The following ZCWPW2 variants were observed in gnomAD, a reference collection of about 807,000 sequenced individuals.
ZCWPW2 encodes the protein zinc finger CW-type PWWP domain protein 2.
In ZCWPW2, 45 loss-of-function variants were observed where a neutral mutation model predicts 46.6. The observed-to-expected ratio is 0.96, with a 90% CI of 0.76 to 1.24. The LOEUF is 1.24. Ranked by LOEUF, ZCWPW2 falls within the 50% of genes most tolerant of loss-of-function variation. The pLI is 0.00. For missense variants in ZCWPW2, 429 were observed against 403.9 expected, an observed-to-expected ratio of 1.06 and a Z score of -0.53; for synonymous variants, 152 against 137.1, an observed-to-expected ratio of 1.11 and a Z score of -0.76.
At chr3:28,436,323 CTTTTTTT>C (rs71087698) in intron 4 of ZCWPW2, among the ~76,000 whole-genome samples, 2 of 116,838 alleles carry the variant, frequency 1.7e-5, no homozygotes, top group East Asian at 2.3e-4. Context: ...TCTTTTTTTT[CTTTTTTT>C]TTTTTTTTTT....
Position 28,524,772 on chromosome 3 carries a change from G to A in ZCWPW2, c.*84G>A. 2 of 1,160,690 alleles carry A rather than the reference G, an allele frequency of 1.7e-6. No homozygotes were observed. Among genetic ancestry groups the A allele is most frequent in the Non-Finnish European group, 1.1e-6 (1 of 876,796 alleles). The allele number at this position is 1,160,690 out of a possible 1,614,324, so 71.9% of individuals were successfully genotyped here. A position where few individuals can be genotyped will look rare whatever the true frequency, so the allele number is the denominator to read the frequency against. On this transcript the variant is annotated 3_prime_UTR_variant, in exon 10 of 10. Coordinates refer to ENST00000383768, the MANE Select transcript of ZCWPW2 (RefSeq NM_001040432.4). ...AGTTAAAACTTTAAAAATGTTTAGT[G>A]AAATAGGTATAAATTATACCAAAGT...
chr3:28,400,547 C>T (rs1695879191), intron 2 of ZCWPW2, among the ~76,000 whole-genome samples: 1 of 152,082 alleles, frequency 6.6e-6, no homozygotes, highest in Non-Finnish European at 1.5e-5. Context: ...ACAAAATCAC[C>T]AGGTAACCTA....
chr3:28,516,255 CAATAAATAAATAAATAAATAAATA>C (rs56931163), intron 8 of ZCWPW2, among the ~76,000 whole-genome samples: 75 of 140,188 alleles, frequency 5.3e-4, no homozygotes, highest in African/African-American at 1.8e-3. Context: ...GATTCCCTCT[CAATAAATAAATAAATAAATAAATA>C]AATAAATAAA....
At position 28,466,951 on chromosome 3, in the gene ZCWPW2, A is replaced by T. The variant is rs756231254; in HGVS notation, c.493-11863A>T. 4.2e-4 allele frequency among the ~76,000 whole-genome samples: 64 copies of T among 152,308 alleles called. 1 individual carries two copies. The highest frequency in any genetic ancestry group is 5.9e-4 in the Non-Finnish European group (40 of 68,010). ...TTAAAAAAAACAATTGAGACTTTTGACAAACTAATTATAAATTTGTTGGAA... is the reference window on the plus strand; with the variant it reads ...TTAAAAAAAACAATTGAGACTTTTGTCAAACTAATTATAAATTTGTTGGAA... On this transcript the variant is annotated intron_variant, in intron 4 of 9. Coordinates refer to ENST00000383768, the MANE Select transcript of ZCWPW2 (RefSeq NM_001040432.4).
rs1357940039 is a variant in ZCWPW2, at chr3:28,508,580, C to T, written c.658-5484C>T. Reference sequence around the variant, plus strand: ...TCACCCAGGCTGTAGTGCAGTGATGCAATATTGGCTCACTGTAACCTACAC... The same window carrying T: ...TCACCCAGGCTGTAGTGCAGTGATGTAATATTGGCTCACTGTAACCTACAC... On this transcript the variant is annotated intron_variant, in intron 6 of 9. Transcript: ENST00000383768. 3.3e-5 allele frequency among the ~76,000 whole-genome samples: 5 copies of T among 152,172 alleles called. No homozygotes were observed. The East Asian group carries it at 9.6e-4, about 29-fold the overall frequency.
At position 28,382,618 on chromosome 3, in the gene ZCWPW2, C is replaced by A. The variant is rs551199780; in HGVS notation, c.-133-7880C>A. Reference sequence around the variant, plus strand: ...TTGTGCCAAAGACAATTTATAGAATCCTTTTATTGGTTATTTTCTCCATTT... The same window carrying A: ...TTGTGCCAAAGACAATTTATAGAATACTTTTATTGGTTATTTTCTCCATTT... On this transcript the variant is annotated intron_variant, in intron 1 of 9. Transcript: ENST00000383768. Among the ~76,000 whole-genome samples, 92 of 152,068 alleles carry A rather than the reference C, an allele frequency of 6.0e-4. 1 individual carries two copies. Among genetic ancestry groups the A allele is most frequent in the Admixed American group, 3.1e-3 (47 of 15,254 alleles).
chr3:28,353,899 A>G (rs546472248), intron 1 of ZCWPW2, among the ~76,000 whole-genome samples: 3 of 152,268 alleles, frequency 2.0e-5, no homozygotes, highest in African/African-American at 7.2e-5. Context: ...GGAATCCTAT[A>G]CTTCTTATTA....
At chr3:28,399,188 C>T (rs1695826097) in intron 2 of ZCWPW2, among the ~76,000 whole-genome samples, 1 of 152,094 alleles carries the variant, frequency 6.6e-6, no homozygotes, top group Admixed American at 6.5e-5. Flanking sequence ...TGACAACCTG[C>T]ATGACAGTGT....
intron 6 of ZCWPW2, among the ~76,000 whole-genome samples, chr3:28,493,151 T>G (rs1384373510): frequency 7.6e-3 from 64 of 8,470 alleles, no homozygotes; most frequent in South Asian, 7.9e-3. Context: ...TTTTTTAATG[T>G]TTTTTTTTTT....
chr3:28,380,019 G>A (rs1318008898), intron 1 of ZCWPW2, among the ~76,000 whole-genome samples: 1 of 151,826 alleles, frequency 6.6e-6, no homozygotes, highest in Non-Finnish European at 1.5e-5. Context: ...GTCTAGCTCT[G>A]TCGCTCAGGC....
chr3:28,350,056 C>T (rs115969256), intron 1 of ZCWPW2, among the ~76,000 whole-genome samples: 1,940 of 152,232 alleles, frequency 0.013, 22 homozygotes, highest in Non-Finnish European at 0.02. Flanking sequence ...AGAAAGGAAA[C>T]GATTTGCTTC....
chr3:28,474,369 T>C (rs1227895376), intron 4 of ZCWPW2, among the ~76,000 whole-genome samples: 2 of 152,164 alleles, frequency 1.3e-5, no homozygotes, highest in African/African-American at 4.8e-5. Flanking sequence ...TTGGAACTTA[T>C]CTTTCAGTAT....
intron 3 of ZCWPW2, 71 bp from the exon 4 acceptor site, chr3:28,435,039 C>A: frequency 6.6e-7 from 1 of 1,518,660 alleles, no homozygotes; most frequent in Non-Finnish European, 8.9e-7. Context: ...AGTTAATATG[C>A]GATTGATAGA....
At chr3:28,398,363 CA>C (rs1405685816) in intron 2 of ZCWPW2, 1 of 152,184 alleles carries the variant, frequency 6.6e-6, no homozygotes. Flanking sequence ...GGGTGGGACA[CA>C]ACACTTTCTT....
At chr3:28,410,887 AAG>A (rs574358443) in intron 2 of ZCWPW2, among the ~76,000 whole-genome samples, 1 of 152,016 alleles carries the variant, frequency 6.6e-6, no homozygotes, top group Admixed American at 6.6e-5. Context: ...TGAAGAAAAA[AAG>A]AGAGGGCATA....
rs1700834443 is a variant in ZCWPW2 at position 28,525,879 on chromosome 3, G to A, written c.*1191G>A. ...CTTAGCATTCTGATATTGTGTCATA[G>A]GATGTTGAGTTGTAAAGCCTATCTG... On this transcript the variant is annotated 3_prime_UTR_variant, in exon 10 of 10. Coordinates refer to ENST00000383768, the MANE Select transcript of ZCWPW2 (RefSeq NM_001040432.4). Among the ~76,000 whole-genome samples, 1 of 152,126 alleles carries A rather than the reference G, an allele frequency of 6.6e-6. No individual in the cohort carries two copies. The highest frequency in any genetic ancestry group is 6.6e-5 in the Admixed American group (1 of 15,256).
chr3:28,434,250 C>T (rs1455860041), intron 3 of ZCWPW2, among the ~76,000 whole-genome samples: 1 of 152,062 alleles, frequency 6.6e-6, no homozygotes, highest in Non-Finnish European at 1.5e-5. Context: ...GGACTATTCT[C>T]TAATTTCCTG....
At chr3:28,417,187 C>T (rs988263845) in intron 3 of ZCWPW2, among the ~76,000 whole-genome samples, 11 of 151,476 alleles carry the variant, frequency 7.3e-5, no homozygotes, top group Admixed American at 4.0e-4. Flanking sequence ...GGGGATATCA[C>T]CACTGATCCC....
intron 7 of ZCWPW2, among the ~76,000 whole-genome samples, chr3:28,514,823 A>T (rs762143316): frequency 6.6e-6 from 1 of 152,192 alleles, no homozygotes; most frequent in Non-Finnish European, 1.5e-5. Context: ...TTTATCGTTG[A>T]ACCAGTCATT....
Sources: gnomAD v4.1 joint callset for allele counts (sites outside exome capture counted in the v4.1 genomes callset) on GRCh38, gnomAD v4.1.1 for gene constraint, MANE v1.5 for transcripts, NCBI Gene and HGNC (gene_info 2026-07-23, HGNC 2026-07-21) for gene names.